TAPBPL: variants seen among roughly 807,000 people sequenced by gnomAD.
TAPBPL encodes TAP binding protein like, also known as tapasin-related protein.
In TAPBPL, 32 loss-of-function variants were observed where a neutral mutation model predicts 44.8. The ratio of observed to expected loss-of-function variants is 0.71; its 90% CI spans 0.54 to 0.96. TAPBPL has a LOEUF of 0.96. Ranked by LOEUF, TAPBPL falls within the 40% of genes least tolerant of loss-of-function variation. TAPBPL has a pLI of 0.00. For synonymous variants in TAPBPL, 230 were observed against 240.7 expected (o/e 0.96, Z 0.41); for missense variants, 520 against 586.6 (o/e 0.89, Z 1.17).
chr12:6,464,285 G>A (rs748168937), downstream of TAPBPL: 28 of 1,538,406 alleles, frequency 1.8e-5, no homozygotes, highest in Middle Eastern at 1.7e-4. Flanking sequence ...ATTGTGCCAC[G>A]AGCAGCATTT....
chr12:6,468,842 T>C (rs1176992538), downstream of TAPBPL, among the ~76,000 whole-genome samples: 1 of 151,984 alleles, frequency 6.6e-6, no homozygotes, highest in African/African-American at 2.4e-5. Context: ...AGGGGGGAGA[T>C]CTCTCAAATT....
chr12:6,457,499 T>G lies in TAPBPL; in HGVS notation c.659T>G (p.Leu220Trp). Residue 220 changes from leucine (L) to tryptophan (W), a missense_variant, in exon 4 of 7, where the codon TTG (leucine) becomes TGG (tryptophan). Physicochemically the swap from Leu to Trp is moderately conservative, Grantham distance 61. Transcript: ENST00000266556. ...LDCGFSMAPG[L>W]DLISVEWRLQ... ...TGTGGCTTCTCCATGGCACCGGGCT[T>G]GGACCTCATCAGTGTGGAGTGGCGA... 6.2e-7 allele frequency: 1 copy of G among 1,614,216 alleles called. No homozygotes were observed. The highest frequency in any genetic ancestry group is 8.5e-7 in the Non-Finnish European group (1 of 1,180,038).
chr12:6,470,527 C>T (rs982874261), downstream of TAPBPL: 1 of 1,613,942 alleles, frequency 6.2e-7, no homozygotes, highest in Admixed American at 1.7e-5. Flanking sequence ...AGAGTCAACT[C>T]ACATTTTTCT....
downstream of TAPBPL, chr12:6,463,049 G>C: frequency 6.5e-7 from 1 of 1,542,600 alleles, no homozygotes. The surrounding 1 kb of genome is among the most constrained non-coding windows in gnomAD (Gnocchi z 4.0). Flanking sequence ...TCCTCCCCTT[G>C]CACCTGGGCT....
In TAPBPL at chr12:6,453,845, C is replaced by T; in HGVS notation, c.565+129C>T. 8.1e-7 allele frequency: 1 copy of T among 1,238,750 alleles called. No individual in the cohort carries two copies. The highest frequency in any genetic ancestry group is 1.1e-6 in the Non-Finnish European group (1 of 923,688). The allele number at this position is 1,238,750 out of a possible 1,614,324, so 76.7% of individuals were successfully genotyped here. A position where few individuals can be genotyped will look rare whatever the true frequency, so the allele number is the denominator to read the frequency against. ...TCAGCCTGGTCAACACGGTGAAACCCCGTCTCTACTAATACCAAAATTAGC... is the reference window on the plus strand; with the variant it reads ...TCAGCCTGGTCAACACGGTGAAACCTCGTCTCTACTAATACCAAAATTAGC... On this transcript the variant is annotated intron_variant, in intron 3 of 6. Transcript: ENST00000266556. This position sits in a 1 kb window ranked among gnomAD's most constrained non-coding sequence, Gnocchi z 4.8.
downstream of TAPBPL, among the ~76,000 whole-genome samples, chr12:6,470,324 G>GC (rs1324377001): frequency 1.3e-5 from 2 of 151,292 alleles, no homozygotes; most frequent in East Asian, 4.0e-4. Flanking sequence ...CCCCTGCCCC[G>GC]CCCGTGGGGT....
At position 6,458,819 on chromosome 12, in the gene TAPBPL, C is replaced by T; in HGVS notation, c.1079C>T (p.Ala360Val). The T allele has an allele frequency of 5.0e-6, 8 of 1,614,136 alleles. No homozygotes were observed. The highest frequency in any genetic ancestry group is 6.8e-6 in the Non-Finnish European group (8 of 1,180,028). The part of the protein sequence containing the change: ...ASFSSLRQSV[A>V]GTYSISSSLT... ...TTCTCCAGCCTCAGGCAAAGCGTGG[C>T]AGGCACCTACAGCATCTCCTCCTCT... is the stretch of plus-strand genomic sequence containing the variant. Residue 360 changes from alanine (A) to valine (V), a missense_variant, in exon 5 of 7, where the codon GCA becomes GTA. By Grantham distance (64) the Ala-to-Val change is moderately conservative. Coordinates refer to ENST00000266556, the MANE Select transcript of TAPBPL (RefSeq NM_018009.5).
At position 6,457,397 on chromosome 12, in the gene TAPBPL, T is replaced by G. The variant is rs1592134457; in HGVS notation, c.566-9T>G. On this transcript the variant is annotated splice_polypyrimidine_tract_variant and intron_variant, in intron 3 of 6. Transcript: ENST00000266556. The stretch of plus-strand genomic sequence containing the variant: ...AGCCCACAAATCACCCCTCTTTTCC[T>G]CTTCACAGTGGAGTTCCAGGTGATG... 6 of 1,608,280 alleles carry G rather than the reference T, an allele frequency of 3.7e-6. No individual in the cohort carries two copies. Among genetic ancestry groups the G allele is most frequent in the Non-Finnish European group, 5.1e-6 (6 of 1,175,746 alleles).
downstream of TAPBPL, chr12:6,464,630 C>T (rs1351657215): frequency 6.9e-7 from 1 of 1,456,030 alleles, no homozygotes; most frequent in Non-Finnish European, 9.0e-7. Flanking sequence ...CAACCCAAGC[C>T]AGTGACACAC....
chr12:6,467,940 G>A (rs964858577), downstream of TAPBPL, among the ~76,000 whole-genome samples: 1 of 143,430 alleles, frequency 7.0e-6, no homozygotes, highest in Non-Finnish European at 1.6e-5. Flanking sequence ...ACTGAGGTTC[G>A]GGAACCTCCG....
downstream of TAPBPL, chr12:6,463,085 A>T (rs989975345): frequency 5.9e-6 from 9 of 1,528,460 alleles, no homozygotes; most frequent in Middle Eastern, 2.2e-4. This position sits in a 1 kb window ranked among gnomAD's most constrained non-coding sequence, Gnocchi z 4.0. Flanking sequence ...GCCCATCCTG[A>T]AGCTCAGCAA....
downstream of TAPBPL, chr12:6,463,056 G>C (rs116839028): frequency 1.8e-3 from 2,792 of 1,540,858 alleles, 52 homozygotes; most frequent in African/African-American, 0.034. This position sits in a 1 kb window ranked among gnomAD's most constrained non-coding sequence, Gnocchi z 4.0. Context: ...CTTGCACCTG[G>C]GCTTATCCCA....
At chr12:6,467,927 A>C (rs1215481350), downstream of TAPBPL, among the ~76,000 whole-genome samples, 1 of 152,092 alleles carries the variant, frequency 6.6e-6, no homozygotes, top group African/African-American at 2.4e-5. Flanking sequence ...ACAGAAGGCA[A>C]GAACTGAGGT....
downstream of TAPBPL, chr12:6,462,338 T>G (rs971501070): frequency 1.8e-6 from 1 of 558,546 alleles, no homozygotes; most frequent in Non-Finnish European, 3.2e-6. Context: ...GTTATTACTC[T>G]ATACAAGTAT....
downstream of TAPBPL, chr12:6,466,462 C>T (rs374547782): frequency 1.6e-6 from 2 of 1,262,696 alleles, no homozygotes; most frequent in Admixed American, 2.7e-5. Context: ...GTGGGAGGAG[C>T]GCTTGAGCCC....
chr12:6,471,153 A>G (rs2137019113), downstream of TAPBPL, among the ~76,000 whole-genome samples: 1 of 152,280 alleles, frequency 6.6e-6, no homozygotes, highest in South Asian at 2.1e-4. The surrounding 1 kb of genome is among the most constrained non-coding windows in gnomAD (Gnocchi z 4.0). Flanking sequence ...CCTCTAACTA[A>G]CGCTCTGAGA....
At position 6,453,833 on chromosome 12, in the gene TAPBPL, C is replaced by G; in HGVS notation, c.565+117C>G. 7.6e-7 allele frequency: 1 copy of G among 1,311,156 alleles called. No homozygotes were observed. Among genetic ancestry groups the G allele is most frequent in the East Asian group, 2.6e-5 (1 of 39,174 alleles). 81.2% of individuals were successfully genotyped at this position (1,311,156 alleles called of 1,614,324 possible). Reference sequence around the variant, plus strand: ...AGGAGTTTGAGATCAGCCTGGTCAACACGGTGAAACCCCGTCTCTACTAAT... The same window carrying G: ...AGGAGTTTGAGATCAGCCTGGTCAAGACGGTGAAACCCCGTCTCTACTAAT... On this transcript the variant is annotated intron_variant, in intron 3 of 6. Transcript: ENST00000266556. The surrounding 1 kb of genome is among the most constrained non-coding windows in gnomAD (Gnocchi z 4.8).
downstream of TAPBPL, chr12:6,464,069 T>C: frequency 7.7e-7 from 1 of 1,300,566 alleles, no homozygotes; most frequent in East Asian, 5.2e-5. Flanking sequence ...CTCCTACCAG[T>C]GGCCAGGTTT....
chr12:6,458,613 A>C, intron 4 of TAPBPL, 32 bp from the exon 5 acceptor site: 1 of 1,606,798 alleles, frequency 6.2e-7, no homozygotes, highest in South Asian at 1.1e-5. Context: ...AGTTAGATCC[A>C]TGTGTAATCT....
Sources: gnomAD v4.1 joint callset for allele counts (sites outside exome capture counted in the v4.1 genomes callset) on GRCh38, gnomAD v4.1.1 for gene constraint, Gnocchi (gnomAD v3.1) non-coding constraint, MANE v1.5 for transcripts, NCBI Gene and HGNC (gene_info 2026-07-23, HGNC 2026-07-21) for gene names.